Variants in DNAJC12 observed in about 807,000 individuals in gnomAD.
DNAJC12 encodes the protein dnaJ homolog subfamily C member 12.
A neutral mutation model predicts 28.5 loss-of-function variants in DNAJC12; 25 were observed. That is an observed-to-expected ratio of 0.88 (90% CI 0.64 to 1.22). DNAJC12 has a LOEUF of 1.22. Ranked by LOEUF, DNAJC12 falls within the 50% of genes most tolerant of loss-of-function variation. The probability of loss-of-function intolerance (pLI) is 0.00; values close to 1 mark genes in which losing one functional copy is unlikely to be tolerated. For synonymous variants in DNAJC12, 77 were observed against 80.6 expected (o/e 0.95, Z 0.24); for missense variants, 222 against 231.7 (o/e 0.96, Z 0.27).
At chr10:67,835,879 T>C (rs1215019223) in intron 1 of DNAJC12, among the ~76,000 whole-genome samples, 1 of 152,138 alleles carries the variant, frequency 6.6e-6, no homozygotes, top group Non-Finnish European at 1.5e-5. Context: ...CAAGGAAGTA[T>C]GACTCCACCT....
intron 4 of DNAJC12, 128 bp from the exon 5 acceptor site, chr10:67,797,338 T>C (rs1841684272): frequency 1.5e-6 from 1 of 654,870 alleles, no homozygotes; most frequent in African/African-American, 1.8e-5. Context: ...TTGGTATGAA[T>C]TATTAACATC....
In DNAJC12 at chr10:67,819,691, AAAGAAAGGAAGGAAGGAAGGAAGGAAGC is replaced by A. The variant is rs1360875009; in HGVS notation, c.157+3595_157+3622del. On this transcript the variant is annotated intron_variant, in intron 2 of 4. Coordinates refer to ENST00000225171, the MANE Select transcript of DNAJC12 (RefSeq NM_021800.3). ...GAAAGAAAGAAAGAAAGAAAGAAAGAAAGAAAGGAAGGAAGGAAGGAAGGAAGCAAGGAAGGAAGGAAGGAAGGAAGGA... is the reference window on the plus strand; with the variant it reads ...GAAAGAAAGAAAGAAAGAAAGAAAGAAAGGAAGGAAGGAAGGAAGGAAGGA... Among the ~76,000 whole-genome samples the A allele has an allele frequency of 3.4e-3, 77 of 22,842 alleles. 2 individuals are homozygous for A. Among genetic ancestry groups the A allele is most frequent in the Admixed American group, 6.1e-3 (14 of 2,302 alleles). 15.0% of individuals were successfully genotyped at this position (22,842 alleles called of 152,430 possible).
chr10:67,812,039 G>A (rs1428940066), intron 2 of DNAJC12, among the ~76,000 whole-genome samples: 1 of 152,172 alleles, frequency 6.6e-6, no homozygotes, highest in African/African-American at 2.4e-5. Context: ...TGTGAAACAG[G>A]GCAGTAATTA....
intron 1 of DNAJC12, among the ~76,000 whole-genome samples, chr10:67,830,674 A>G (rs901941991): frequency 2.6e-5 from 4 of 151,836 alleles, no homozygotes; most frequent in South Asian, 4.1e-4. Flanking sequence ...GATACTTAAT[A>G]TGTGCCAGGC....
chr10:67,812,220 A>T (rs1327196899), intron 2 of DNAJC12, among the ~76,000 whole-genome samples: 1 of 152,108 alleles, frequency 6.6e-6, no homozygotes, highest in Non-Finnish European at 1.5e-5. Flanking sequence ...GGTGACTTAG[A>T]GGAAGTAGTA....
At chr10:67,831,751 C>T (rs1167923296) in intron 1 of DNAJC12, among the ~76,000 whole-genome samples, 1 of 152,178 alleles carries the variant, frequency 6.6e-6, no homozygotes, top group Non-Finnish European at 1.5e-5. Context: ...AGCATCATGT[C>T]TCACCTTTTT....
Position 67,838,100 on chromosome 10 carries a change from T to C in DNAJC12, c.-89A>G. 1 of 851,696 alleles carries C rather than the reference T, an allele frequency of 1.2e-6. No homozygotes were observed. Among genetic ancestry groups the C allele is most frequent in the South Asian group, 1.6e-5 (1 of 62,170 alleles). 52.8% of individuals were successfully genotyped at this position (851,696 alleles called of 1,614,324 possible). A position where few individuals can be genotyped will look rare whatever the true frequency, so the allele number is the denominator to read the frequency against. On this transcript the variant is annotated 5_prime_UTR_variant, in exon 1 of 5. The change abolishes the stop of an existing upstream ORF in the 5' untranslated region. Transcript: ENST00000225171. ...AGGAAGAAACTCTTTAAATCTGAAT[T>C]AGAGCAGCATGTTCCACATAGCAAA...
chr10:67,811,434 C>A (rs1447445398), intron 3 of DNAJC12, 90 bp downstream of exon 3: 2 of 1,561,816 alleles, frequency 1.3e-6, no homozygotes, highest in African/African-American at 2.8e-5. Context: ...TCCCTCCTAT[C>A]GCCTAATGAC....
chr10:67,821,022 G>C (rs1390680608), intron 2 of DNAJC12, among the ~76,000 whole-genome samples: 4 of 151,512 alleles, frequency 2.6e-5, no homozygotes, highest in African/African-American at 9.7e-5. Context: ...ACCTCAGGTG[G>C]TCCACCCACC....
At chr10:67,837,407 C>T (rs1403520701) in intron 1 of DNAJC12, among the ~76,000 whole-genome samples, 1 of 152,124 alleles carries the variant, frequency 6.6e-6, no homozygotes, top group Non-Finnish European at 1.5e-5. Flanking sequence ...TGTTTTGTTT[C>T]AGAAGCCACC....
intron 1 of DNAJC12, among the ~76,000 whole-genome samples, chr10:67,837,395 CAT>C (rs1402497038): frequency 3.9e-5 from 6 of 152,138 alleles, no homozygotes; most frequent in African/African-American, 9.7e-5. Flanking sequence ...AGAGTTTTCA[CAT>C]GTTTTGTTTC....
At chr10:67,797,828 C>T (rs891337495) in intron 4 of DNAJC12, among the ~76,000 whole-genome samples, 6 of 152,070 alleles carry the variant, frequency 3.9e-5, no homozygotes, top group Admixed American at 2.6e-4. Flanking sequence ...ATCACGAGGT[C>T]AGGAGATCAA....
intron 4 of DNAJC12, among the ~76,000 whole-genome samples, chr10:67,801,428 A>G (rs1435741213): frequency 2.0e-5 from 3 of 152,238 alleles, no homozygotes; most frequent in South Asian, 2.1e-4. Flanking sequence ...TTTAAACAGC[A>G]TAAAGAAAAT....
At chr10:67,808,539 G>T (rs969832091) in intron 3 of DNAJC12, 1 of 152,114 alleles carries the variant, frequency 6.6e-6, no homozygotes, top group African/African-American at 2.4e-5. Flanking sequence ...AAATTGGAAT[G>T]ATACAAAGAA....
chr10:67,808,951 A>G (rs1277960709), intron 3 of DNAJC12, among the ~76,000 whole-genome samples: 2 of 152,164 alleles, frequency 1.3e-5, no homozygotes, highest in East Asian at 3.9e-4. Context: ...TAGGTAGTCT[A>G]TGGCCAGTTG....
chr10:67,835,836 A>G (rs1842137895), intron 1 of DNAJC12, among the ~76,000 whole-genome samples: 1 of 152,142 alleles, frequency 6.6e-6, no homozygotes, highest in African/African-American at 2.4e-5. Context: ...TTGACAGACC[A>G]GTAAAATACA....
At chr10:67,828,917 C>A (rs1842064273) in intron 1 of DNAJC12, among the ~76,000 whole-genome samples, 1 of 152,072 alleles carries the variant, frequency 6.6e-6, no homozygotes, top group Admixed American at 6.6e-5. Context: ...TAGTCTCATG[C>A]ATTTCAAGGA....
At chr10:67,836,716 A>G (rs1311776232) in intron 1 of DNAJC12, among the ~76,000 whole-genome samples, 1 of 152,136 alleles carries the variant, frequency 6.6e-6, no homozygotes, top group Non-Finnish European at 1.5e-5. Context: ...CGTGTCTAAG[A>G]TAACTTCCTC....
intron 1 of DNAJC12, among the ~76,000 whole-genome samples, chr10:67,824,938 T>A (rs1842015324): frequency 1.3e-5 from 2 of 152,052 alleles, no homozygotes; most frequent in Non-Finnish European, 2.9e-5. Flanking sequence ...TTTCACCATG[T>A]TGGCCAGGCT....
Sources: allele counts gnomAD v4.1 joint callset (sites outside exome capture counted in the v4.1 genomes callset), GRCh38; gene constraint gnomAD v4.1.1; transcripts MANE v1.5; gene names NCBI Gene and HGNC (gene_info 2026-07-23, HGNC 2026-07-21).